The following MCF2L variants were observed in gnomAD, a reference collection of about 807,000 sequenced individuals.
MCF2L encodes guanine nucleotide exchange factor DBS.
MCF2L carries 97 observed loss-of-function variants against 153.4 expected under a neutral mutation model. The ratio of observed to expected loss-of-function variants is 0.63; its 90% confidence interval spans 0.54 to 0.75. MCF2L has a LOEUF of 0.75. MCF2L is among the 30% of genes least tolerant of loss of function. The pLI is 0.00. For synonymous variants in MCF2L, 659 were observed against 632.2 expected (o/e 1.04, Z -0.64); for missense variants, 1,347 against 1,495.2 (o/e 0.90, Z 1.64).
intron 2 of MCF2L, among the ~76,000 whole-genome samples, chr13:113,024,177 A>G (rs2085081497): frequency 6.6e-6 from 1 of 152,240 alleles, no homozygotes. Flanking sequence ...GAGAAGCTAG[A>G]CGATACCCAC....
intron 22 of MCF2L, 121 bp from the exon 23 acceptor site, chr13:113,087,586 G>A: frequency 1.8e-6 from 2 of 1,107,026 alleles, no homozygotes; most frequent in Non-Finnish European, 1.3e-6. Context: ...GGGGTATTCT[G>A]CCATTCTTAG....
chr13:113,086,049 C>T (rs1381891706), intron 20 of MCF2L, 75 bp from the exon 21 acceptor site: 1 of 1,499,054 alleles, frequency 6.7e-7, no homozygotes, highest in Non-Finnish European at 8.9e-7. Context: ...TCGTGCCAAG[C>T]TCCTGAGGGG....
At chr13:112,925,865 G>A (rs1370277146) in intron 2 of MCF2L, among the ~76,000 whole-genome samples, 1 of 152,028 alleles carries the variant, frequency 6.6e-6, no homozygotes, top group Non-Finnish European at 1.5e-5. Context: ...AACTTTGCAT[G>A]AGAAGAAAAC....
chr13:112,897,210 T>C (rs928195260), intron 1 of MCF2L, among the ~76,000 whole-genome samples: 2 of 152,026 alleles, frequency 1.3e-5, no homozygotes, highest in African/African-American at 4.8e-5. Context: ...GCTCCTGGCG[T>C]CCTAAAGTGA....
At chr13:113,060,838 G>A in intron 5 of MCF2L, 126 bp downstream of exon 5, 1 of 1,318,014 alleles carries the variant, frequency 7.6e-7, no homozygotes, top group Non-Finnish European at 1.0e-6. Context: ...AACCCCGCAG[G>A]ACCTGGCGGG....
At chr13:113,094,486 G>C in intron 26 of MCF2L, 28 bp from the exon 27 acceptor site, 2 of 1,595,352 alleles carry the variant, frequency 1.3e-6, no homozygotes, top group Non-Finnish European at 1.7e-6. Flanking sequence ...TCACCGGGGG[G>C]TCCCTCACGG....
rs2032824927 is a variant in MCF2L, at chr13:113,070,687, A to G, written c.996+514A>G. ...TGGCTGTGCTTTTGCCATTTCAAGA[A>G]TGTGACATTAATGAATCCCACAGAA... On this transcript the variant is annotated intron_variant, in intron 9 of 29. Coordinates refer to ENST00000535094, the MANE Select transcript of MCF2L (RefSeq NM_001112732.3). The surrounding 1 kb of genome is among the most constrained non-coding windows in gnomAD (Gnocchi z 5.6). Among the ~76,000 whole-genome samples the G allele has an allele frequency of 6.6e-6, 1 of 152,150 alleles. No individual in the cohort carries two copies. The highest frequency in any genetic ancestry group is 2.4e-5 in the African/African-American group (1 of 41,432).
At chr13:113,078,476 C>G (rs778355354) in intron 14 of MCF2L, 40 bp downstream of exon 14, 5 of 1,566,530 alleles carry the variant, frequency 3.2e-6, no homozygotes, top group Admixed American at 1.7e-5. Flanking sequence ...CCACACCCCC[C>G]TCCTTGGTTC....
In MCF2L at chr13:112,983,201, T is replaced by C. The variant is rs1171886599; in HGVS notation, c.79+13743T>C. ...GGGGTAGCAGAGCCCCTCACACAGG[T>C]CTAGGTTGCAGGTTCATGGCAGCTG... On this transcript the variant is annotated intron_variant, in intron 1 of 29. Transcript: ENST00000535094. The surrounding 1 kb of genome is among the most constrained non-coding windows in gnomAD (Gnocchi z 4.0). 6.6e-6 allele frequency among the ~76,000 whole-genome samples: 1 copy of C among 151,874 alleles called. No homozygotes were observed. Among genetic ancestry groups the C allele is most frequent in the Non-Finnish European group, 1.5e-5 (1 of 67,946 alleles).
rs539773642 is a variant in MCF2L, at chr13:113,020,403, G to A, written c.164-4241G>A. Among the ~76,000 whole-genome samples the A allele has an allele frequency of 2.0e-4, 30 of 152,386 alleles. 1 individual carries two copies. The highest frequency in any genetic ancestry group is 5.8e-4 in the African/African-American group (24 of 41,604). On this transcript the variant is annotated intron_variant, in intron 2 of 29. Coordinates refer to ENST00000535094, the MANE Select transcript of MCF2L (RefSeq NM_001112732.3). The stretch of plus-strand genomic sequence containing the variant: ...GTCACACATGCCTCCTGCCCAGGAC[G>A]CGTGTGCGTGTGTGTATCTACCTGT...
At position 113,045,675 on chromosome 13, in the gene MCF2L, T is replaced by C. The variant is rs1192873330; in HGVS notation, c.369+314T>C. 7.7e-6 allele frequency: 3 copies of C among 390,876 alleles called. No individual in the cohort carries two copies. The highest frequency in any genetic ancestry group is 6.0e-5 in the African/African-American group (3 of 50,138). The allele number at this position is 390,876 out of a possible 1,614,324, so 24.2% of individuals were successfully genotyped here. On this transcript the variant is annotated intron_variant, in intron 4 of 29. Coordinates refer to ENST00000535094, the MANE Select transcript of MCF2L (RefSeq NM_001112732.3). This position sits in a 1 kb window ranked among gnomAD's most constrained non-coding sequence, Gnocchi z 4.2. ...GATGCTCGGGACTGAATATGCCTCTTACATATTTATACATTAGTGATTTTC... is the reference window on the plus strand; with the variant it reads ...GATGCTCGGGACTGAATATGCCTCTCACATATTTATACATTAGTGATTTTC...
intron 2 of MCF2L, among the ~76,000 whole-genome samples, chr13:112,916,872 T>TCCCTGCCTGTC (rs1037634740): frequency 3.3e-5 from 5 of 152,042 alleles, no homozygotes; most frequent in Non-Finnish European, 7.4e-5. Flanking sequence ...TGGAAGAGCA[T>TCCCTGCCTGTC]CCCTGCCTGT....
chr13:112,970,333 C>T (rs1417997962), intron 1 of MCF2L, among the ~76,000 whole-genome samples: 2 of 152,062 alleles, frequency 1.3e-5, no homozygotes, highest in East Asian at 3.9e-4. Flanking sequence ...TCTTTCTCTG[C>T]CCACCCCGAT....
chr13:112,916,607 G>A (rs2081294676), intron 2 of MCF2L, among the ~76,000 whole-genome samples: 1 of 152,150 alleles, frequency 6.6e-6, no homozygotes, highest in Non-Finnish European at 1.5e-5. Flanking sequence ...CCCTGCACTG[G>A]GGTCTGTATA....
At chr13:113,079,194 C>T (rs534512976) in intron 15 of MCF2L, among the ~76,000 whole-genome samples, 118 of 152,366 alleles carry the variant, frequency 7.7e-4, no homozygotes, top group African/African-American at 2.8e-3. Flanking sequence ...TCCTTTTCCC[C>T]TGGGATTCCT....
chr13:112,896,053 C>T (rs74115708), intron 1 of MCF2L, among the ~76,000 whole-genome samples: 15,936 of 152,232 alleles, frequency 0.1, 2,266 homozygotes, highest in African/African-American at 0.33. Flanking sequence ...GGGTCTGCAA[C>T]GTTAGACGGT....
chr13:112,977,165 CTT>C (rs1423732430), intron 1 of MCF2L, among the ~76,000 whole-genome samples: 2 of 152,184 alleles, frequency 1.3e-5, no homozygotes, highest in African/African-American at 4.8e-5. Flanking sequence ...ATGTAAGACT[CTT>C]TTACTGCCAA....
In MCF2L at chr13:112,954,959, C is replaced by T. The variant is rs574813572; in HGVS notation, c.169+52588C>T. 4.6e-5 allele frequency among the ~76,000 whole-genome samples: 7 copies of T among 152,286 alleles called. No individual in the cohort carries two copies. The South Asian group carries it at 1.2e-3, about 27-fold the overall frequency. ...GATGGCTGTGGCTGCAGGGTCCCAG[C>T]TATAGTGGAATCCAGCAGCCACAGT... On this transcript the variant is annotated intron_variant, in intron 2 of 29. Transcript: ENST00000375608.
rs138043299 is a variant in MCF2L, at chr13:112,904,962, C to T, written c.169+2591C>T. Reference sequence around the variant, plus strand: ...TGAAATGTACCATTTTAACTACTGTCAAGTGTAGAGTTCCCTGGTATGAAA... The same window carrying T: ...TGAAATGTACCATTTTAACTACTGTTAAGTGTAGAGTTCCCTGGTATGAAA... On this transcript the variant is annotated intron_variant, in intron 2 of 29. Transcript: ENST00000375608. The surrounding 1 kb of genome is among the most constrained non-coding windows in gnomAD (Gnocchi z 4.2). Among the ~76,000 whole-genome samples the T allele has an allele frequency of 2.6e-3, 402 of 152,346 alleles. 3 individuals are homozygous for T. Among genetic ancestry groups the T allele is most frequent in the African/African-American group, 9.4e-3 (390 of 41,584 alleles).
Sources: gnomAD v4.1 joint callset for allele counts (sites outside exome capture counted in the v4.1 genomes callset) on GRCh38, gnomAD v4.1.1 for gene constraint, Gnocchi (gnomAD v3.1) non-coding constraint, MANE v1.5 for transcripts, NCBI Gene and HGNC (gene_info 2026-07-23, HGNC 2026-07-21) for gene names.